Variants in PLOD2 observed in about 807,000 individuals in gnomAD.
PLOD2 encodes the protein lysine hydroxylase 2.
In PLOD2, 65 loss-of-function variants were observed where a neutral mutation model predicts 101.0. That is an observed-to-expected ratio of 0.64 (90% CI 0.53 to 0.79). The LOEUF is 0.79. Ranked by LOEUF, PLOD2 falls within the 30% of genes least tolerant of loss-of-function variation. The pLI is 0.00. For synonymous variants in PLOD2, 314 were observed against 302.9 expected (o/e 1.04, Z -0.38); for missense variants, 909 against 914.6 (o/e 0.99, Z 0.08).
At chr3:146,109,734 T>G (rs887618125) in intron 4 of PLOD2, among the ~76,000 whole-genome samples, 1 of 152,224 alleles carries the variant, frequency 6.6e-6, no homozygotes, top group Admixed American at 6.5e-5. Context: ...ATGTGGTAAT[T>G]CATTCCTTTA....
intron 12 of PLOD2, among the ~76,000 whole-genome samples, chr3:146,080,618 A>G (rs1266800893): frequency 1.1e-4 from 16 of 152,050 alleles, no homozygotes; most frequent in Non-Finnish European, 2.1e-4. Flanking sequence ...CTTATACTTT[A>G]GACAAGAATG....
At chr3:146,138,549 G>A (rs1390133331) in intron 1 of PLOD2, among the ~76,000 whole-genome samples, 1 of 152,036 alleles carries the variant, frequency 6.6e-6, no homozygotes, top group African/African-American at 2.4e-5. Context: ...CAAATACAGA[G>A]AATATGACTG....
chr3:146,113,449 A>G (rs1000182004), intron 3 of PLOD2, among the ~76,000 whole-genome samples: 5 of 152,248 alleles, frequency 3.3e-5, no homozygotes, highest in Admixed American at 3.3e-4. Flanking sequence ...CAGGGACCCC[A>G]AATGGAGGGA....
At chr3:146,072,280 GT>G (rs1936172745) in intron 17 of PLOD2, among the ~76,000 whole-genome samples, 1 of 151,468 alleles carries the variant, frequency 6.6e-6, no homozygotes, top group Non-Finnish European at 1.5e-5. Flanking sequence ...AAAGACATGT[GT>G]TACCTAACAA....
At position 146,077,896 on chromosome 3, in the gene PLOD2, G is replaced by C. The variant is rs761506761; in HGVS notation, c.1529C>G (p.Thr510Ser). 6.2e-7 allele frequency: 1 copy of C among 1,601,628 alleles called. No homozygotes were observed. The highest frequency in any genetic ancestry group is 2.2e-5 in the East Asian group (1 of 44,772). ...GCTGAGCATTTGGAATGTTTCCGGAGTAGGGGAGTCTTTTTCCCTTTGTAA... is the reference window on the plus strand; with the variant it reads ...GCTGAGCATTTGGAATGTTTCCGGACTAGGGGAGTCTTTTTCCCTTTGTAA... Reference protein sequence around the residue: ...MTLQREKDSPTPETFQMLSPP... With the variant: ...MTLQREKDSPSPETFQMLSPP... The change falls in exon 14 of 20, where the codon ACT becomes AGT. Residue 510 changes from threonine to serine, a missense_variant. Transcript: ENST00000282903.
chr3:146,128,663 T>C (rs1040019207), intron 1 of PLOD2, among the ~76,000 whole-genome samples: 4 of 151,936 alleles, frequency 2.6e-5, no homozygotes, highest in African/African-American at 9.7e-5. Context: ...GGCCAAAACA[T>C]GCTATGTCCT....
intron 12 of PLOD2, 139 bp from the exon 13 acceptor site, chr3:146,079,396 T>G: frequency 3.0e-6 from 2 of 665,972 alleles, no homozygotes; most frequent in Non-Finnish European, 5.3e-6. Flanking sequence ...ATATATTCAA[T>G]GATATATATA....
intron 1 of PLOD2, among the ~76,000 whole-genome samples, chr3:146,128,880 C>CTTTTTTTTTTTT (rs3975816): frequency 1.2e-4 from 9 of 73,180 alleles, no homozygotes; most frequent in Non-Finnish European, 1.9e-4. Context: ...ATCTGAAATC[C>CTTTTTTTTTTTT]TTTTTTTTTT....
At chr3:146,083,296 G>A (rs909741569) in intron 11 of PLOD2, among the ~76,000 whole-genome samples, 7 of 152,140 alleles carry the variant, frequency 4.6e-5, no homozygotes, top group Non-Finnish European at 7.3e-5. Flanking sequence ...AATAGAGATA[G>A]GGAGAGAAGA....
In PLOD2 at chr3:146,121,252, T is replaced by C. The variant is rs761939994; in HGVS notation, c.202-4A>G. 3 of 1,611,750 alleles carry C rather than the reference T, an allele frequency of 1.9e-6. No homozygotes were observed. Among genetic ancestry groups the C allele is most frequent in the Admixed American group, 1.7e-5 (1 of 59,952 alleles). On this transcript the variant is annotated splice_region_variant and splice_polypyrimidine_tract_variant and intron_variant, in intron 2 of 19. Transcript: ENST00000282903. ...ATTCTTCTCCTTGACCAAGGACCTA[T>C]AAACAAAATCAACATTTCATTCCTG...
intron 1 of PLOD2, among the ~76,000 whole-genome samples, chr3:146,150,318 G>A (rs2031994185): frequency 6.6e-6 from 1 of 152,044 alleles, no homozygotes; most frequent in Non-Finnish European, 1.5e-5. Context: ...GACTATTTAT[G>A]TAACAAGTTA....
intron 3 of PLOD2, among the ~76,000 whole-genome samples, chr3:146,111,491 TA>T (rs1006039472): frequency 5.3e-5 from 8 of 152,086 alleles, no homozygotes; most frequent in Non-Finnish European, 7.4e-5. Context: ...AGTTATAATT[TA>T]AAAAAATTAA....
chr3:146,133,959 C>T (rs1247742385), intron 1 of PLOD2, among the ~76,000 whole-genome samples: 1 of 151,984 alleles, frequency 6.6e-6, no homozygotes, highest in Non-Finnish European at 1.5e-5. Context: ...GCTTGGGATG[C>T]TAAATTAAGG....
At chr3:146,077,956 C>A (rs994323611) in intron 13 of PLOD2, 32 bp from the exon 14 acceptor site, 1 of 1,142,914 alleles carries the variant, frequency 8.7e-7, no homozygotes, top group Non-Finnish European at 1.3e-6. Flanking sequence ...GGTAAGTTGA[C>A]CTGTACACCC....
chr3:146,135,965 G>GT (rs1172490578), intron 1 of PLOD2, among the ~76,000 whole-genome samples: 3 of 151,874 alleles, frequency 2.0e-5, no homozygotes, highest in African/African-American at 7.2e-5. Flanking sequence ...ATGTAAGATT[G>GT]TATCTCTACA....
chr3:146,111,052 A>G (rs1937622077), intron 3 of PLOD2, among the ~76,000 whole-genome samples: 1 of 151,992 alleles, frequency 6.6e-6, no homozygotes, highest in Non-Finnish European at 1.5e-5. Context: ...TTTTGTAAAA[A>G]CTGACACTAT....
Position 146,086,830 on chromosome 3 carries a change from G to A in PLOD2, c.1084C>T (p.Pro362Ser). The A allele has an allele frequency of 6.5e-7, 1 of 1,528,272 alleles. No homozygotes were observed. The highest frequency in any genetic ancestry group is 8.9e-7 in the Non-Finnish European group (1 of 1,121,352). 94.7% of individuals were successfully genotyped at this position (1,528,272 alleles called of 1,614,324 possible). The change falls in exon 10 of 20, where the codon CCA becomes TCA. Residue 362 changes from proline to serine, a missense_variant. Physicochemically the swap from Pro to Ser is moderately conservative, Grantham distance 74. Coordinates refer to ENST00000282903, the MANE Select transcript of PLOD2 (RefSeq NM_182943.3). ...TCCGCTTGACTTAGATTTTCTTCTGGTCCTACTATTTTTATAGTTTTGATT... is the reference window on the plus strand; with the variant it reads ...TCCGCTTGACTTAGATTTTCTTCTGATCCTACTATTTTTATAGTTTTGATT... The part of the protein sequence containing the change: ...HEIKTIKIVG[P>S]EENLSQAEAR...
intron 12 of PLOD2, among the ~76,000 whole-genome samples, chr3:146,080,431 A>C (rs894053878): frequency 6.6e-5 from 10 of 152,034 alleles, no homozygotes; most frequent in Admixed American, 5.9e-4. Flanking sequence ...AAAACCATAG[A>C]TAAAGGGGAA....
intron 1 of PLOD2, among the ~76,000 whole-genome samples, chr3:146,148,717 A>C (rs1425824331): frequency 6.6e-6 from 1 of 152,246 alleles, no homozygotes; most frequent in African/African-American, 2.4e-5. Flanking sequence ...ATACCAAGTG[A>C]TATAAAACAC....
Sources: gnomAD v4.1 joint callset for allele counts (sites outside exome capture counted in the v4.1 genomes callset) on GRCh38, gnomAD v4.1.1 for gene constraint, MANE v1.5 for transcripts, NCBI Gene and HGNC (gene_info 2026-07-23, HGNC 2026-07-21) for gene names.